The following LIMA1 variants were observed in gnomAD, a reference collection of about 807,000 sequenced individuals.
The protein encoded by LIMA1 is LIM domain and actin binding 1, also known as LIM domain and actin-binding protein 1.
In LIMA1, 52 loss-of-function variants were observed where a neutral mutation model predicts 62.6. The observed-to-expected ratio is 0.83, with a 90% CI of 0.67 to 1.05. The LOEUF is 1.05. LIMA1 is among the 50% of genes least tolerant of loss of function. The pLI, the probability that LIMA1 is intolerant of heterozygous loss-of-function variation, is 0.00. For synonymous variants in LIMA1, 302 were observed against 317.8 expected (o/e 0.95, Z 0.53); for missense variants, 780 against 902.2 (o/e 0.86, Z 1.74).
chr12:50,259,182 G>A (rs1345216393), intron 1 of LIMA1, among the ~76,000 whole-genome samples: 10 of 152,058 alleles, frequency 6.6e-5, no homozygotes, highest in Non-Finnish European at 1.5e-4. Flanking sequence ...CATTTGAAAT[G>A]TTATCCCGTA....
At chr12:50,249,808 G>A (rs1001782396) in intron 1 of LIMA1, 1 of 152,054 alleles carries the variant, frequency 6.6e-6, no homozygotes, top group Admixed American at 6.6e-5. Context: ...TAATAATAAA[G>A]TACTGCTAAT....
Position 50,222,224 on chromosome 12 carries a change from G to A in LIMA1, c.427C>T (p.Pro143Ser). The change falls in exon 4 of 11, where the codon CCC becomes TCC. Residue 143 changes from proline (P) to serine (S), a missense_variant. Coordinates refer to ENST00000341247, the MANE Select transcript of LIMA1 (RefSeq NM_016357.5). ...PPEALVQGRY[P>S]HIKDGEDLKD... Reference sequence around the variant, plus strand: ...AGATCCTCACCGTCCTTGATGTGGGGATATCGACCCTGAACGAGGGCTTCA... The same window carrying A: ...AGATCCTCACCGTCCTTGATGTGGGAATATCGACCCTGAACGAGGGCTTCA... The A allele has an allele frequency of 6.2e-7, 1 of 1,614,120 alleles. No individual in the cohort carries two copies. The highest frequency in any genetic ancestry group is 8.5e-7 in the Non-Finnish European group (1 of 1,180,024).
At chr12:50,201,952 C>T (rs1189058232) in intron 6 of LIMA1, 3 of 152,108 alleles carry the variant, frequency 2.0e-5, no homozygotes, top group Non-Finnish European at 4.4e-5. Context: ...TGACTATAGA[C>T]ATTTCCCACC....
At chr12:50,189,083 G>A (rs1363829184) in intron 9 of LIMA1, 1 of 152,206 alleles carries the variant, frequency 6.6e-6, no homozygotes, top group Non-Finnish European at 1.5e-5. Flanking sequence ...ACAGCCATGC[G>A]GAGCACATGT....
At position 50,177,283 on chromosome 12, in the gene LIMA1, A is replaced by G. The variant is rs777882962; in HGVS notation, c.2061T>C (p.Asp687=). ...ENLVENGADS[D]EDDNSFLKQQ... is the part of the protein sequence containing the mutation. ...GTTTGAGGAAGCTGTTATCATCTTC[A>G]TCGGAGTCTGCACCATTTTCTACAA... The change falls in exon 11 of 11, where the codon GAT becomes GAC. Residue 687 remains aspartate (D), a synonymous_variant. Transcript: ENST00000341247. 26 of 1,614,036 alleles carry G rather than the reference A, an allele frequency of 1.6e-5. No individual in the cohort carries two copies. Among genetic ancestry groups the G allele is most frequent in the Non-Finnish European group, 1.9e-5 (23 of 1,180,028 alleles).
intron 7 of LIMA1, among the ~76,000 whole-genome samples, chr12:50,197,011 A>G (rs1940943324): frequency 6.6e-6 from 1 of 151,640 alleles, no homozygotes; most frequent in Admixed American, 6.6e-5. Flanking sequence ...AGGTACCTCC[A>G]TCCCAGGATG....
chr12:50,254,961 G>A (rs889071606), intron 1 of LIMA1, among the ~76,000 whole-genome samples: 4 of 151,600 alleles, frequency 2.6e-5, no homozygotes, highest in Admixed American at 2.0e-4. Flanking sequence ...TCGGGAGGGT[G>A]AGGCAGAAGA....
At chr12:50,267,843 A>G (rs1434941995) in intron 1 of LIMA1, among the ~76,000 whole-genome samples, 1 of 152,100 alleles carries the variant, frequency 6.6e-6, no homozygotes, top group Non-Finnish European at 1.5e-5. Context: ...TTGGTGAAGA[A>G]TGAGGTCTCA....
At chr12:50,271,943 G>T (rs998770589) in intron 1 of LIMA1, among the ~76,000 whole-genome samples, 11 of 152,146 alleles carry the variant, frequency 7.2e-5, no homozygotes, top group African/African-American at 2.7e-4. Flanking sequence ...AGGCAAAATA[G>T]TTCATTAAGG....
chr12:50,261,103 A>AG (rs1257907599), intron 1 of LIMA1, among the ~76,000 whole-genome samples: 9 of 115,044 alleles, frequency 7.8e-5, no homozygotes, highest in Non-Finnish European at 1.5e-4. Flanking sequence ...CCCAGGCTGG[A>AG]GGGCAGTGGC....
chr12:50,217,245 T>C (rs1290024029), intron 4 of LIMA1, among the ~76,000 whole-genome samples: 2 of 152,046 alleles, frequency 1.3e-5, no homozygotes, highest in Non-Finnish European at 2.9e-5. Flanking sequence ...AATCCCAGAA[T>C]TGAAAACAGG....
At chr12:50,192,924 T>C (rs1221493023) in intron 8 of LIMA1, among the ~76,000 whole-genome samples, 1 of 152,204 alleles carries the variant, frequency 6.6e-6, no homozygotes, top group African/African-American at 2.4e-5. Context: ...TTTTCTGAAG[T>C]GTTTCAACTG....
At chr12:50,209,628 T>C (rs1477529749) in intron 4 of LIMA1, among the ~76,000 whole-genome samples, 1 of 149,120 alleles carries the variant, frequency 6.7e-6, no homozygotes. Context: ...GGAAAAGATA[T>C]GTCTGGCAGG....
At chr12:50,279,893 A>G (rs906899632) in intron 1 of LIMA1, among the ~76,000 whole-genome samples, 2 of 151,874 alleles carry the variant, frequency 1.3e-5, no homozygotes, top group African/African-American at 4.8e-5. Context: ...GTTTATGGAG[A>G]AAAAAAAGAT....
chr12:50,242,588 G>C (rs1592549331), intron 2 of LIMA1, among the ~76,000 whole-genome samples: 1 of 152,282 alleles, frequency 6.6e-6, no homozygotes, highest in Non-Finnish European at 1.5e-5. Flanking sequence ...TTCATGCTGT[G>C]ATCATCAATT....
intron 1 of LIMA1, among the ~76,000 whole-genome samples, chr12:50,257,127 A>T (rs1323916961): frequency 6.6e-6 from 1 of 152,146 alleles, no homozygotes; most frequent in Non-Finnish European, 1.5e-5. Context: ...TGTCTTGCTT[A>T]TGGCAATTAT....
chr12:50,277,025 TAGA>T (rs140168803), intron 1 of LIMA1, among the ~76,000 whole-genome samples: 3,132 of 152,246 alleles, frequency 0.021, 56 homozygotes, highest in Non-Finnish European at 0.029. Flanking sequence ...CTGTATGAAG[TAGA>T]AGAAGTTGTT....
intron 2 of LIMA1, 129 bp from the exon 3 acceptor site, chr12:50,231,839 C>CA: frequency 3.9e-6 from 3 of 776,700 alleles, no homozygotes; most frequent in Non-Finnish European, 6.3e-6. Flanking sequence ...GCGATCTCGG[C>CA]TCACTGCAAC....
In LIMA1 at chr12:50,213,930, C is replaced by A. The variant is rs76627372; in HGVS notation, c.631-7862G>T. Among the ~76,000 whole-genome samples the A allele has an allele frequency of 7.6e-3, 1,163 of 152,050 alleles. 13 individuals carry two copies. The highest frequency in any genetic ancestry group is 0.027 in the African/African-American group (1,114 of 41,422). On this transcript the variant is annotated intron_variant, in intron 4 of 10. Coordinates refer to ENST00000341247, the MANE Select transcript of LIMA1 (RefSeq NM_016357.5). The stretch of plus-strand genomic sequence containing the variant: ...AGAAGAAGAGATGAGTGGTCTCTAG[C>A]TGGCACATCAAGGACAGTCATTTAG...
Sources: allele counts gnomAD v4.1 joint callset (sites outside exome capture counted in the v4.1 genomes callset), GRCh38; gene constraint gnomAD v4.1.1; transcripts MANE v1.5; gene names NCBI Gene and HGNC (gene_info 2026-07-23, HGNC 2026-07-21).